LARGE1: variants seen among roughly 807,000 people sequenced by gnomAD.
The protein encoded by LARGE1 is LARGE xylosyl- and glucuronyltransferase 1.
A neutral mutation model predicts 87.6 loss-of-function variants in LARGE1; 43 were observed. The observed-to-expected ratio is 0.49, with a 90% CI of 0.38 to 0.63. The LOEUF is 0.63. LARGE1 is among the 30% of genes least tolerant of loss of function. The pLI is 0.00. For synonymous variants in LARGE1, 434 were observed against 394.6 expected, an observed-to-expected ratio of 1.10 and a Z score of -1.18; for missense variants, 802 against 1,000.2, an observed-to-expected ratio of 0.80 and a Z score of 2.67.
At chr22:33,528,743 G>A (rs553723074) in intron 6 of LARGE1, among the ~76,000 whole-genome samples, 2 of 152,094 alleles carry the variant, frequency 1.3e-5, no homozygotes, top group Non-Finnish European at 2.9e-5. Context: ...GGGGCATAAC[G>A]AGGTATGTTT....
the LARGE1 span, among the ~76,000 whole-genome samples, chr22:33,089,400 T>TTCTTCCTCTTC: frequency 7.8e-6 from 1 of 128,602 alleles, no homozygotes; most frequent in Non-Finnish European, 1.6e-5. Flanking sequence ...CTTCTTCTTC[T>TTCTTCCTCTTC]TTCTTCTTCT....
intron 1 of LARGE1, among the ~76,000 whole-genome samples, chr22:33,824,965 C>A (rs1458890421): frequency 1.3e-5 from 2 of 152,182 alleles, no homozygotes; most frequent in African/African-American, 4.8e-5. Flanking sequence ...TGTTCTACTA[C>A]AGCTCATCCC....
intron 7 of LARGE1, among the ~76,000 whole-genome samples, chr22:33,406,213 G>A (rs2066092132): frequency 6.6e-6 from 1 of 151,936 alleles, no homozygotes; most frequent in Non-Finnish European, 1.5e-5. Context: ...CTATGACCAC[G>A]GCTCTTCCCG....
At chr22:33,312,405 A>G (rs1017563851) in intron 11 of LARGE1, among the ~76,000 whole-genome samples, 2 of 144,882 alleles carry the variant, frequency 1.4e-5, no homozygotes, top group African/African-American at 5.3e-5. Flanking sequence ...GCAACACTGC[A>G]CTCTGGCCTG....
At chr22:33,169,990 C>T (rs563095880) in intron 11 of LARGE1, among the ~76,000 whole-genome samples, 1 of 152,220 alleles carries the variant, frequency 6.6e-6, no homozygotes, top group Middle Eastern at 3.4e-3. Flanking sequence ...TTTGTGTCCC[C>T]CTTAAATGTA....
At chr22:33,699,309 A>T (rs1392206388) in intron 2 of LARGE1, among the ~76,000 whole-genome samples, 1 of 152,236 alleles carries the variant, frequency 6.6e-6, no homozygotes, top group Non-Finnish European at 1.5e-5. Flanking sequence ...AATGGGTGTC[A>T]CAGGCTTCAG....
At chr22:33,743,019 C>T (rs539670253) in intron 2 of LARGE1, 4 of 152,158 alleles carry the variant, frequency 2.6e-5, no homozygotes, top group Admixed American at 2.6e-4. Context: ...TGGTGCGATC[C>T]TTGTGAGATA....
At chr22:33,851,936 C>CT (rs916816231) in intron 1 of LARGE1, among the ~76,000 whole-genome samples, 32 of 152,270 alleles carry the variant, frequency 2.1e-4, no homozygotes, top group African/African-American at 6.0e-4. Flanking sequence ...AGTGATCTTG[C>CT]TTTTATCTGT....
exon 12 of LARGE1, chr22:33,166,605 G>T (rs1422810865): frequency 2.7e-6 from 1 of 374,564 alleles, no homozygotes; most frequent in Admixed American, 3.3e-5. Flanking sequence ...CGGGGATGAT[G>T]TTCACCTGGC....
At chr22:33,820,941 G>A (rs986161223) in intron 1 of LARGE1, among the ~76,000 whole-genome samples, 2 of 152,078 alleles carry the variant, frequency 1.3e-5, no homozygotes, top group African/African-American at 4.8e-5. Context: ...CAGGGTAGCT[G>A]ACACCCTGCA....
chr22:33,653,510 G>T (rs1353904772), intron 2 of LARGE1, among the ~76,000 whole-genome samples: 1 of 152,118 alleles, frequency 6.6e-6, no homozygotes, highest in Non-Finnish European at 1.5e-5. Context: ...TTAACAAATG[G>T]GACCTGTGAG....
At chr22:33,482,489 T>C (rs747498591) in intron 6 of LARGE1, among the ~76,000 whole-genome samples, 1 of 152,112 alleles carries the variant, frequency 6.6e-6, no homozygotes, top group Non-Finnish European at 1.5e-5. Flanking sequence ...ACTTCCTGCA[T>C]GTTAAAGGCA....
the LARGE1 span, among the ~76,000 whole-genome samples, chr22:33,112,337 T>C: frequency 3.9e-5 from 6 of 152,206 alleles, no homozygotes; most frequent in African/African-American, 1.4e-4. Flanking sequence ...CTCACATTTT[T>C]CCCCATTGTT....
intron 1 of LARGE1, among the ~76,000 whole-genome samples, chr22:33,876,042 T>C (rs776844671): frequency 3.9e-5 from 6 of 152,192 alleles, no homozygotes; most frequent in South Asian, 2.1e-4. Context: ...CAAAACGTCA[T>C]AGAAGAAAAC....
At chr22:33,227,524 C>T (rs1440135681) in intron 11 of LARGE1, among the ~76,000 whole-genome samples, 1 of 152,210 alleles carries the variant, frequency 6.6e-6, no homozygotes. Context: ...GTTCACTCTA[C>T]AAGTGGGGAA....
chr22:33,878,793 A>T (rs2064566544), intron 1 of LARGE1, among the ~76,000 whole-genome samples: 1 of 152,140 alleles, frequency 6.6e-6, no homozygotes, highest in African/African-American at 2.4e-5. Context: ...ACATTCAATT[A>T]CTTGTCACTG....
chr22:33,532,543 TTCA>T (rs2148581673), intron 6 of LARGE1, among the ~76,000 whole-genome samples: 1 of 152,340 alleles, frequency 6.6e-6, no homozygotes, highest in South Asian at 2.1e-4. Flanking sequence ...GGCAGAGATT[TTCA>T]TCCCCACTTT....
chr22:33,865,581 A>G (rs1043621552), intron 1 of LARGE1, among the ~76,000 whole-genome samples: 2 of 152,254 alleles, frequency 1.3e-5, no homozygotes, highest in Admixed American at 1.3e-4. Context: ...GATCCTTTCC[A>G]TGGTGATATC....
rs1482697954 is a variant in LARGE1, at chr22:33,274,355, A to C, written c.*72T>G. 1.3e-6 allele frequency: 2 copies of C among 1,490,242 alleles called. No homozygotes were observed. Among genetic ancestry groups the C allele is most frequent in the Admixed American group, 3.3e-5 (2 of 59,856 alleles). The allele number at this position is 1,490,242 out of a possible 1,614,324, so 92.3% of individuals were successfully genotyped here. A position where few individuals can be genotyped will look rare whatever the true frequency, so the allele number is the denominator to read the frequency against. ...AAAGCATGGCTCAATTTTGAATTTG[A>C]AGGCCGGGCCCCAAACAGCGAGTGG... is the stretch of plus-strand genomic sequence containing the variant. On this transcript the variant is annotated 3_prime_UTR_variant, in exon 15 of 15. Transcript: ENST00000397394.
Sources: gnomAD v4.1 joint callset for allele counts (sites outside exome capture counted in the v4.1 genomes callset) on GRCh38, gnomAD v4.1.1 for gene constraint, MANE v1.5 for transcripts, NCBI Gene and HGNC (gene_info 2026-07-23, HGNC 2026-07-21) for gene names.